The following GYS1 variants were observed in gnomAD, a reference collection of about 807,000 sequenced individuals.
The protein encoded by GYS1 is glycogen [starch] synthase, muscle.
Under a neutral mutation model 89.1 loss-of-function variants are expected in GYS1, and 60 were observed. The observed-to-expected ratio is 0.67, with a 90% CI of 0.55 to 0.84. The LOEUF is 0.84. Ranked by LOEUF, GYS1 falls within the 40% of genes least tolerant of loss-of-function variation. GYS1 has a pLI of 0.00. For synonymous variants in GYS1, 366 were observed against 401.7 expected, an observed-to-expected ratio of 0.91 and a Z score of 1.06; for missense variants, 888 against 1,003.1, an observed-to-expected ratio of 0.89 and a Z score of 1.55.
At chr19:48,972,702 C>T (rs1179312742) in intron 12 of GYS1, among the ~76,000 whole-genome samples, 1 of 152,102 alleles carries the variant, frequency 6.6e-6, no homozygotes, top group East Asian at 1.9e-4. Flanking sequence ...TGGTCTCAAA[C>T]TCATGTCCTC....
chr19:48,982,115 T>C, intron 7 of GYS1, 140 bp downstream of exon 7: 1 of 856,094 alleles, frequency 1.2e-6, no homozygotes, highest in East Asian at 2.7e-5. Flanking sequence ...CTGGTCTCCA[T>C]CTCCTGGGCT....
At chr19:48,977,144 C>T (rs913011304) in intron 10 of GYS1, among the ~76,000 whole-genome samples, 1 of 151,660 alleles carries the variant, frequency 6.6e-6, no homozygotes. Flanking sequence ...CTGGCTCTGT[C>T]CCCCAGGCTG....
chr19:48,970,617 G>A lies in GYS1; in HGVS notation c.1738C>T (p.Arg580Trp), dbSNP rs2038548566. ...FLYSFCQQSR[R>W]QRIIQRNRTE... ...CGGTTCCGCTGGATGATACGCTGCC[G>A]CCGGCTCTGCTGACAGAAACTGTAG... is the stretch of plus-strand genomic sequence containing the variant. The change falls in exon 14 of 16, where the codon CGG becomes TGG. Residue 580 changes from arginine (R) to tryptophan (W), a missense_variant. By Grantham distance (101) the Arg-to-Trp change is moderately radical. Coordinates refer to ENST00000323798, the MANE Select transcript of GYS1 (RefSeq NM_002103.5). The A allele has an allele frequency of 1.2e-6, 2 of 1,613,728 alleles. No homozygotes were observed. Among genetic ancestry groups the A allele is most frequent in the Non-Finnish European group, 1.7e-6 (2 of 1,179,880 alleles).
chr19:48,972,126 GA>G (rs765971575), intron 12 of GYS1, among the ~76,000 whole-genome samples: 122 of 133,032 alleles, frequency 9.2e-4, no homozygotes, highest in Middle Eastern at 7.4e-3. Flanking sequence ...GTCAAGAAGA[GA>G]AAAAAAAAAA....
At chr19:48,983,789 C>A (rs1385456925) in intron 5 of GYS1, among the ~76,000 whole-genome samples, 2 of 152,122 alleles carry the variant, frequency 1.3e-5, no homozygotes, top group Non-Finnish European at 2.9e-5. Flanking sequence ...TTTCATAAGA[C>A]CAATCTACAT....
Position 48,969,203 on chromosome 19 carries a change from G to C in GYS1, c.*85C>G. 1 of 1,258,508 alleles carries C rather than the reference G, an allele frequency of 7.9e-7. No individual in the cohort carries two copies. The highest frequency in any genetic ancestry group is 1.1e-6 in the Non-Finnish European group (1 of 911,996). The allele number at this position is 1,258,508 out of a possible 1,614,324, so 78.0% of individuals were successfully genotyped here. ...CGGGGCCACACCCAGTGCAGATCTG[G>C]AGCGGGGGTTTAGGAGCAGCACCCC... On this transcript the variant is annotated 3_prime_UTR_variant, in exon 16 of 16. Coordinates refer to ENST00000323798, the MANE Select transcript of GYS1 (RefSeq NM_002103.5).
chr19:48,982,655 C>G (rs887115503), intron 6 of GYS1, 65 bp downstream of exon 6: 3 of 1,208,776 alleles, frequency 2.5e-6, no homozygotes, highest in East Asian at 2.3e-5. Flanking sequence ...CCCCCTCCCC[C>G]AGACCTAGAT....
chr19:48,992,056 C>T (rs566580515), intron 1 of GYS1, among the ~76,000 whole-genome samples: 2 of 152,236 alleles, frequency 1.3e-5, no homozygotes, highest in East Asian at 3.9e-4. Context: ...GCATGCAGGG[C>T]TCTGCCTCTC....
chr19:48,991,391 G>T lies in GYS1; in HGVS notation c.211C>A (p.Gln71Lys). The T allele has an allele frequency of 2.5e-6, 4 of 1,614,108 alleles. No homozygotes were observed. Among genetic ancestry groups the T allele is most frequent in the Non-Finnish European group, 3.4e-6 (4 of 1,180,038 alleles). The change falls in exon 2 of 16, where the codon CAG (glutamine) becomes AAG (lysine). Residue 71 changes from glutamine to lysine, a missense_variant. Coordinates refer to ENST00000323798, the MANE Select transcript of GYS1 (RefSeq NM_002103.5). This position sits in a 1 kb window ranked among gnomAD's most constrained non-coding sequence, Gnocchi z 4.7. The part of the protein sequence containing the change: ...NYFLVGPYTE[Q>K]GVRTQVELLE... Reference sequence around the variant, plus strand: ...AGTTCCACCTGGGTCCTCACGCCCTGCTCCGTGTACGGCCCCACCAGGAAG... The same window carrying T: ...AGTTCCACCTGGGTCCTCACGCCCTTCTCCGTGTACGGCCCCACCAGGAAG...
intron 2 of GYS1, among the ~76,000 whole-genome samples, chr19:48,988,319 A>G (rs578109748): frequency 6.6e-6 from 1 of 151,942 alleles, no homozygotes; most frequent in African/African-American, 2.4e-5. Context: ...TTCTGATGCT[A>G]ATTCCTTCCA....
At chr19:48,978,530 T>TTTATTA (rs71294392) in intron 8 of GYS1, among the ~76,000 whole-genome samples, 49,581 of 146,520 alleles carry the variant, frequency 0.34, 8,635 homozygotes, top group Middle Eastern at 0.48. Context: ...CAGCAGTTTA[T>TTTATTA]TTATTATTAT....
intron 3 of GYS1, 136 bp downstream of exon 3, chr19:48,987,058 C>T (rs1420113993): frequency 2.8e-6 from 2 of 722,604 alleles, no homozygotes; most frequent in African/African-American, 1.7e-5. Flanking sequence ...TTCATGTCCT[C>T]AAAGGCCAGA....
At chr19:48,977,883 C>T (rs765170247) in intron 10 of GYS1, 41 bp downstream of exon 10, 1 of 1,510,486 alleles carries the variant, frequency 6.6e-7, no homozygotes. Context: ...TCTGGGGCTG[C>T]CAGGAACTGC....
chr19:48,977,780 G>A (rs2038681137), intron 10 of GYS1, 144 bp downstream of exon 10: 1 of 717,256 alleles, frequency 1.4e-6, no homozygotes, highest in East Asian at 2.6e-5. Flanking sequence ...GTGCCCTTCT[G>A]TGGACCTCAG....
Position 48,974,350 on chromosome 19 carries a change from AAAAG to A in GYS1, c.1423-15_1423-12del. 6.2e-7 allele frequency: 1 copy of A among 1,613,926 alleles called. No individual in the cohort carries two copies. Reference sequence around the variant, plus strand: ...CGGGTGGAAAATCACCTGGTAGTGAAAAAGAAGGACTCAGCCCAAGTGCCTTATT... The same window carrying A: ...CGGGTGGAAAATCACCTGGTAGTGAAAAGGACTCAGCCCAAGTGCCTTATT... On this transcript the variant is annotated splice_polypyrimidine_tract_variant and intron_variant, in intron 11 of 15. Transcript: ENST00000323798.
chr19:48,979,613 A>G (rs897001612), intron 8 of GYS1, among the ~76,000 whole-genome samples: 10 of 147,570 alleles, frequency 6.8e-5, no homozygotes, highest in Non-Finnish European at 8.9e-5. Flanking sequence ...CTGGGATTAC[A>G]GGTGTGAGCC....
In GYS1 at chr19:48,985,848, A is replaced by C. The variant is rs2122520177; in HGVS notation, c.678+2T>G. ...CCCCCATCTGCCACGGTCCCAGCTCACGTTCTCCAGGTTGTTGTAGAAGTC... is the reference window on the plus strand; with the variant it reads ...CCCCCATCTGCCACGGTCCCAGCTCCCGTTCTCCAGGTTGTTGTAGAAGTC... On this transcript the variant is annotated splice_donor_variant, in intron 4 of 15. Transcript: ENST00000323798. LOFTEE classifies it high-confidence loss of function. 20 of 1,612,898 alleles carry C rather than the reference A, an allele frequency of 1.2e-5. No individual in the cohort carries two copies. The highest frequency in any genetic ancestry group is 1.7e-5 in the Non-Finnish European group (20 of 1,179,822).
At position 48,989,721 on chromosome 19, in the gene GYS1, G is replaced by A. The variant is rs113324447; in HGVS notation, c.300+1581C>T. 5.0e-3 allele frequency among the ~76,000 whole-genome samples: 753 copies of A among 152,114 alleles called. 6 individuals are homozygous for A. The highest frequency in any genetic ancestry group is 0.017 in the African/African-American group (711 of 41,508). On this transcript the variant is annotated intron_variant, in intron 2 of 15. Coordinates refer to ENST00000323798, the MANE Select transcript of GYS1 (RefSeq NM_002103.5). ...ATTCCAGGCATGAGCCACCGCCCTCGGCCACGCCACACATTTCTAACATAG... is the reference window on the plus strand; with the variant it reads ...ATTCCAGGCATGAGCCACCGCCCTCAGCCACGCCACACATTTCTAACATAG...
chr19:48,990,006 G>T (rs534456255), intron 2 of GYS1, among the ~76,000 whole-genome samples: 3 of 150,514 alleles, frequency 2.0e-5, no homozygotes, highest in East Asian at 3.9e-4. Context: ...GCTGGGGGGG[G>T]GGGGGGGCTA....
Sources: allele counts gnomAD v4.1 joint callset (sites outside exome capture counted in the v4.1 genomes callset), GRCh38; gene constraint gnomAD v4.1.1; non-coding constraint Gnocchi (gnomAD v3.1); transcripts MANE v1.5; gene names NCBI Gene and HGNC (gene_info 2026-07-23, HGNC 2026-07-21).